SARDH: variants seen among roughly 807,000 people sequenced by gnomAD.
SARDH encodes the protein sarcosine dehydrogenase, mitochondrial.
SARDH carries 95 observed loss-of-function variants against 109.1 expected under a neutral mutation model. The observed-to-expected ratio is 0.87, with a 90% CI of 0.74 to 1.03. SARDH has a LOEUF of 1.03. Ranked by LOEUF, SARDH falls within the 50% of genes least tolerant of loss-of-function variation. SARDH has a pLI of 0.00. For missense variants in SARDH, 1,267 were observed against 1,287.8 expected (o/e 0.98, Z 0.25); for synonymous variants, 572 against 534.8 (o/e 1.07, Z -0.96).
At chr9:133,703,422 C>T (rs1349931197) in intron 12 of SARDH, 2 of 256,614 alleles carry the variant, frequency 7.8e-6, no homozygotes, top group Admixed American at 4.5e-5. Flanking sequence ...GCGTCTTACA[C>T]TCCTACCAGG....
chr9:133,676,486 C>A (rs1373475931), intron 17 of SARDH, among the ~76,000 whole-genome samples: 1 of 152,194 alleles, frequency 6.6e-6, no homozygotes, highest in Non-Finnish European at 1.5e-5. Flanking sequence ...AATTAACAAA[C>A]CAGCCAGCAA....
At chr9:133,707,056 GC>G (rs1383021700) in intron 11 of SARDH, among the ~76,000 whole-genome samples, 1 of 152,208 alleles carries the variant, frequency 6.6e-6, no homozygotes, top group Non-Finnish European at 1.5e-5. Context: ...CATCTCAAGA[GC>G]CCATTAAAAG....
At chr9:133,670,328 CAAAAA>C (rs5901026) in intron 19 of SARDH, among the ~76,000 whole-genome samples, 2 of 103,260 alleles carry the variant, frequency 1.9e-5, no homozygotes, top group South Asian at 3.2e-4. Flanking sequence ...GACTCCGTCT[CAAAAA>C]AAAAAAAAAA....
chr9:133,688,213 CG>C (rs1399793012), intron 16 of SARDH, among the ~76,000 whole-genome samples: 1 of 152,198 alleles, frequency 6.6e-6, no homozygotes, highest in African/African-American at 2.4e-5. Context: ...CACAGCATCG[CG>C]GCTGCCTGTG....
intron 17 of SARDH, among the ~76,000 whole-genome samples, chr9:133,677,844 G>A (rs1237252013): frequency 2.6e-5 from 4 of 152,336 alleles, no homozygotes; most frequent in South Asian, 2.1e-4. Context: ...GGTGGCCTTC[G>A]CTGGGGCTCA....
At chr9:133,735,429 T>G (rs945760979) in intron 1 of SARDH, among the ~76,000 whole-genome samples, 1 of 152,114 alleles carries the variant, frequency 6.6e-6, no homozygotes, top group African/African-American at 2.4e-5. Flanking sequence ...ACAATGAGAA[T>G]GCAAGAGGGA....
In SARDH at chr9:133,732,435, C is replaced by T. The variant is rs1305136862; in HGVS notation, c.498G>A (p.Lys166=). ...GGGGAGCACACACCGACATGAGCCTCTTGTACTCGTCCAGGCGCTGCCGGT... is the reference window on the plus strand; with the variant it reads ...GGGGAGCACACACCGACATGAGCCTTTTGTACTCGTCCAGGCGCTGCCGGT... ...ASNRQRLDEY[K]RLMSLGKAYG... The change falls in exon 3 of 21, where the codon AAG becomes AAA. Residue 166 remains lysine (K), a synonymous_variant. Coordinates refer to ENST00000439388, the MANE Select transcript of SARDH (RefSeq NM_001134707.2). 1.3e-6 allele frequency: 2 copies of T among 1,596,328 alleles called. No homozygotes were observed. Among genetic ancestry groups the T allele is most frequent in the Admixed American group, 1.7e-5 (1 of 59,436 alleles).
At chr9:133,667,546 A>C (rs1306447530) in intron 19 of SARDH, among the ~76,000 whole-genome samples, 1 of 151,978 alleles carries the variant, frequency 6.6e-6, no homozygotes, top group African/African-American at 2.4e-5. Flanking sequence ...TCACTGTAAA[A>C]GTTTTAAAGA....
intron 17 of SARDH, among the ~76,000 whole-genome samples, chr9:133,680,660 C>T (rs2797830): frequency 0.47 from 71,776 of 152,138 alleles, 19,112 homozygotes; most frequent in African/African-American, 0.74. Context: ...CTCGAGTCCC[C>T]GGCCTCATCT....
chr9:133,677,282 A>ACATCCTCCAG (rs1554745269), intron 17 of SARDH, among the ~76,000 whole-genome samples: 1 of 152,160 alleles, frequency 6.6e-6, no homozygotes, highest in Non-Finnish European at 1.5e-5. Flanking sequence ...CACATCCTCC[A>ACATCCTCCAG]GGGGTGAGAG....
chr9:133,691,752 A>C (rs533025869), intron 15 of SARDH, among the ~76,000 whole-genome samples: 1 of 152,316 alleles, frequency 6.6e-6, no homozygotes, highest in East Asian at 1.9e-4. Flanking sequence ...CAACACGCGC[A>C]TATTTAATGC....
Position 133,687,866 on chromosome 9 carries a change from T to C in SARDH, c.2069+2514A>G, listed in dbSNP as rs57514304. 0.011 allele frequency among the ~76,000 whole-genome samples: 1,604 copies of C among 152,328 alleles called. 73 individuals carry two copies. In the East Asian group the frequency reaches 0.13, roughly 12 times the overall value. ...TCATCTAAGAAACTTTGGGTTATTT[T>C]TGAAAGATAGAGGACATTTTGGAGG... On this transcript the variant is annotated intron_variant, in intron 16 of 20. Coordinates refer to ENST00000439388, the MANE Select transcript of SARDH (RefSeq NM_001134707.2).
chr9:133,662,222 C>T (rs3025438), downstream of SARDH, among the ~76,000 whole-genome samples: 43 of 152,226 alleles, frequency 2.8e-4, no homozygotes, highest in East Asian at 1.2e-3. The surrounding 1 kb of genome is among the most constrained non-coding windows in gnomAD (Gnocchi z 5.1). Flanking sequence ...AGGGTGGTGC[C>T]GTTGCGTGCA....
At position 133,694,339 on chromosome 9, in the gene SARDH, G is replaced by A. The variant is rs139150495; in HGVS notation, c.1840C>T (p.Arg614Cys). 57 of 1,550,608 alleles carry A rather than the reference G, an allele frequency of 3.7e-5. No individual in the cohort carries two copies. Among genetic ancestry groups the A allele is most frequent in the African/African-American group, 2.7e-5 (2 of 73,056 alleles). Residue 614 changes from arginine to cysteine, a missense_variant, in exon 15 of 21, where the codon CGT becomes TGT. Coordinates refer to ENST00000439388, the MANE Select transcript of SARDH (RefSeq NM_001134707.2). ...STVYTCMLNH[R>C]GGTESDLTVS... ...GTCAGGTCACTCTCGGTGCCCCCACGGTGGTTGAGCATGCACGTGTACACG... is the reference window on the plus strand; with the variant it reads ...GTCAGGTCACTCTCGGTGCCCCCACAGTGGTTGAGCATGCACGTGTACACG...
At chr9:133,735,599 A>G (rs1392936772) in intron 1 of SARDH, among the ~76,000 whole-genome samples, 1 of 152,180 alleles carries the variant, frequency 6.6e-6, no homozygotes, top group African/African-American at 2.4e-5. Context: ...ACTGTAACTG[A>G]GCTCGTGTTA....
At chr9:133,722,983 C>G (rs1264524209) in intron 6 of SARDH, among the ~76,000 whole-genome samples, 1 of 152,128 alleles carries the variant, frequency 6.6e-6, no homozygotes, top group African/African-American at 2.4e-5. Flanking sequence ...TTTCTATACT[C>G]TAGCATTGAA....
At chr9:133,731,529 C>A (rs767409059) in intron 3 of SARDH, 45 bp from the exon 4 acceptor site, 31 of 1,589,632 alleles carry the variant, frequency 2.0e-5, no homozygotes, top group African/African-American at 1.2e-4. Context: ...GGGGAGCAGA[C>A]CCCTGGGCCA....
intron 17 of SARDH, among the ~76,000 whole-genome samples, chr9:133,678,623 C>A (rs1469256831): frequency 2.0e-5 from 3 of 152,190 alleles, no homozygotes; most frequent in African/African-American, 7.2e-5. Context: ...GAGTGAGAAG[C>A]ACTGCACGGA....
rs201228733 is a variant in SARDH, at chr9:133,695,313, T to C, written c.1807+910A>G. Among the ~76,000 whole-genome samples, 28 of 152,284 alleles carry C rather than the reference T, an allele frequency of 1.8e-4. No homozygotes were observed. The East Asian group carries it at 4.4e-3, about 24-fold the overall frequency. ...GAAAAAATAGTTGGGCATGGTGGTG[T>C]GCGCCTGTAATCCCAGCTACTCAGG... is the stretch of plus-strand genomic sequence containing the variant. On this transcript the variant is annotated intron_variant, in intron 14 of 20. Transcript: ENST00000439388.
Sources: gnomAD v4.1 joint callset for allele counts (sites outside exome capture counted in the v4.1 genomes callset) on GRCh38, gnomAD v4.1.1 for gene constraint, Gnocchi (gnomAD v3.1) non-coding constraint, MANE v1.5 for transcripts, NCBI Gene and HGNC (gene_info 2026-07-23, HGNC 2026-07-21) for gene names.